The following CSGALNACT1 variants were observed in gnomAD, a reference collection of about 807,000 sequenced individuals.
CSGALNACT1 encodes the protein chondroitin sulfate N-acetylgalactosaminyltransferase 1, also known as beta4GalNAcT-1.
In CSGALNACT1, 52 loss-of-function variants were observed where a neutral mutation model predicts 51.0. The observed-to-expected ratio is 1.02, with a 90% CI of 0.82 to 1.29. CSGALNACT1 has a LOEUF of 1.29. Among genes scored for constraint, CSGALNACT1 ranks in the 50% most tolerant of loss-of-function variants. The pLI is 0.00. For synonymous variants in CSGALNACT1, 341 were observed against 254.4 expected (o/e 1.34, Z -3.24); for missense variants, 935 against 679.2 (o/e 1.38, Z -4.19).
intron 1 of CSGALNACT1, among the ~76,000 whole-genome samples, chr8:19,687,601 CTAATA>C (rs2061049967): frequency 6.6e-6 from 1 of 152,196 alleles, no homozygotes; most frequent in African/African-American, 2.4e-5. Flanking sequence ...CATTACCACA[CTAATA>C]TAATTCCTGA....
chr8:19,503,943 G>C (rs893738208), intron 4 of CSGALNACT1, among the ~76,000 whole-genome samples: 1 of 152,182 alleles, frequency 6.6e-6, no homozygotes, highest in Non-Finnish European at 1.5e-5. Flanking sequence ...AAGAACACAG[G>C]CATGAACAGC....
intron 2 of CSGALNACT1, among the ~76,000 whole-genome samples, chr8:19,599,877 T>C (rs912242677): frequency 2.0e-5 from 3 of 152,224 alleles, no homozygotes; most frequent in African/African-American, 7.2e-5. Context: ...TTCCTTTCTT[T>C]TTGGGCAGAC....
intron 1 of CSGALNACT1, among the ~76,000 whole-genome samples, chr8:19,714,978 A>G (rs927787488): frequency 1.3e-5 from 2 of 152,006 alleles, no homozygotes; most frequent in African/African-American, 4.8e-5. Context: ...ATTCTTGTGT[A>G]CTTGTATTAG....
At position 19,449,366 on chromosome 8, in the gene CSGALNACT1, G is replaced by A. The variant is rs181835309; in HGVS notation, c.851+9060C>T. 2.2e-4 allele frequency among the ~76,000 whole-genome samples: 34 copies of A among 152,294 alleles called. No individual in the cohort carries two copies. The East Asian group carries it at 5.2e-3, about 23-fold the overall frequency. On this transcript the variant is annotated intron_variant, in intron 5 of 9. Transcript: ENST00000454498. ...AATGGCCTATGGGAGAGGTAGAGGG[G>A]CTTAAGGATGGCAGGAGAACTAGAC...
chr8:19,583,030 T>C (rs796917786), intron 3 of CSGALNACT1, among the ~76,000 whole-genome samples: 4 of 152,176 alleles, frequency 2.6e-5, no homozygotes, highest in African/African-American at 9.6e-5. Context: ...CAGGGACACA[T>C]ATATACACTG....
At chr8:19,736,251 T>C (rs2063963686) in intron 1 of CSGALNACT1, among the ~76,000 whole-genome samples, 1 of 152,196 alleles carries the variant, frequency 6.6e-6, no homozygotes, top group Admixed American at 6.5e-5. Flanking sequence ...TAAAGTTTTA[T>C]TAGAATATCA....
chr8:19,513,194 C>G (rs140641140), intron 3 of CSGALNACT1, among the ~76,000 whole-genome samples: 140 of 152,110 alleles, frequency 9.2e-4, no homozygotes, highest in African/African-American at 3.3e-3. Context: ...CTACCAAGAC[C>G]ATGCACTAGA....
intron 1 of CSGALNACT1, among the ~76,000 whole-genome samples, chr8:19,620,050 C>T (rs956340683): frequency 2.6e-5 from 4 of 152,102 alleles, no homozygotes; most frequent in Non-Finnish European, 5.9e-5. Flanking sequence ...TAGTGGCTCA[C>T]ACCTGTAATC....
At chr8:19,463,190 A>G (rs1001365954) in intron 4 of CSGALNACT1, among the ~76,000 whole-genome samples, 5 of 152,284 alleles carry the variant, frequency 3.3e-5, no homozygotes, top group South Asian at 4.1e-4. Flanking sequence ...TCCATGGTAT[A>G]CAAGTATCAC....
rs979672465 is a variant in CSGALNACT1 at position 19,519,584 on chromosome 8, C to T, written c.-296-13454G>A. On this transcript the variant is annotated intron_variant, in intron 3 of 9. Coordinates refer to ENST00000454498, the Ensembl canonical transcript of CSGALNACT1. ...CACCTCTAAACAGAATCACTGGTGC[C>T]GATAGCTGTCTCGTGAAGTGCCAAA... 1.3e-4 allele frequency among the ~76,000 whole-genome samples: 20 copies of T among 152,114 alleles called. 1 individual carries two copies. Among genetic ancestry groups the T allele is most frequent in the Admixed American group, 2.0e-4 (3 of 15,264 alleles).
intron 3 of CSGALNACT1, chr8:19,531,860 C>T (rs188162455): frequency 8.5e-5 from 13 of 152,362 alleles, no homozygotes; most frequent in Admixed American, 5.2e-4. Flanking sequence ...AGGTACTGCC[C>T]AGTCCAAAGC....
At chr8:19,431,946 C>G (rs2059711359) in intron 6 of CSGALNACT1, among the ~76,000 whole-genome samples, 1 of 151,892 alleles carries the variant, frequency 6.6e-6, no homozygotes. Context: ...TGCCCATCAA[C>G]ACAGATTTAT....
At chr8:19,484,258 T>C (rs1432906716) in intron 4 of CSGALNACT1, among the ~76,000 whole-genome samples, 1 of 149,284 alleles carries the variant, frequency 6.7e-6, no homozygotes, top group East Asian at 1.9e-4. Flanking sequence ...ATGAACATTC[T>C]CCACCGAATA....
At chr8:19,459,719 C>G (rs2064964921) in intron 4 of CSGALNACT1, among the ~76,000 whole-genome samples, 1 of 152,096 alleles carries the variant, frequency 6.6e-6, no homozygotes, top group Non-Finnish European at 1.5e-5. Context: ...CCTCATTTTC[C>G]CCAAAGGTTA....
At chr8:19,638,355 G>T (rs974319720) in intron 1 of CSGALNACT1, among the ~76,000 whole-genome samples, 1 of 152,096 alleles carries the variant, frequency 6.6e-6, no homozygotes, top group Non-Finnish European at 1.5e-5. Flanking sequence ...GAAAAGCACT[G>T]CCCCAAGTGG....
At chr8:19,422,051 C>T (rs1173552897) in intron 6 of CSGALNACT1, among the ~76,000 whole-genome samples, 1 of 152,208 alleles carries the variant, frequency 6.6e-6, no homozygotes, top group Non-Finnish European at 1.5e-5. Flanking sequence ...AGGCAAGTCA[C>T]TCTACCCCTT....
chr8:19,694,329 C>G (rs1327777832), intron 1 of CSGALNACT1, among the ~76,000 whole-genome samples: 2 of 152,166 alleles, frequency 1.3e-5, no homozygotes, highest in African/African-American at 2.4e-5. Flanking sequence ...ACAGTCCTCC[C>G]TGGAAGCTTC....
At chr8:19,598,521 T>C (rs574232443) in intron 2 of CSGALNACT1, among the ~76,000 whole-genome samples, 94 of 152,242 alleles carry the variant, frequency 6.2e-4, no homozygotes, top group Non-Finnish European at 8.7e-4. Context: ...GCCCAGTTAG[T>C]ACATTAGAGT....
intron 1 of CSGALNACT1, among the ~76,000 whole-genome samples, chr8:19,701,913 T>C (rs2061902784): frequency 6.6e-6 from 1 of 152,164 alleles, no homozygotes; most frequent in African/African-American, 2.4e-5. Context: ...ACAGATATAC[T>C]CATCTTAAAG....
Sources: allele counts gnomAD v4.1 joint callset (sites outside exome capture counted in the v4.1 genomes callset), GRCh38; gene constraint gnomAD v4.1.1; transcripts MANE v1.5; gene names NCBI Gene and HGNC (gene_info 2026-07-23, HGNC 2026-07-21).